IL32: variants seen among roughly 807,000 people sequenced by gnomAD.
IL32 encodes interleukin-32.
Under a neutral mutation model 16.6 loss-of-function variants are expected in IL32, and 30 were observed. That is an observed-to-expected ratio of 1.81 (90% CI 1.35 to 2.45). The LOEUF is 2.45. Ranked by LOEUF, IL32 falls within the 30% of genes most tolerant of loss-of-function variation. The pLI, the probability that IL32 is intolerant of heterozygous loss-of-function variation, is 0.00. For synonymous variants in IL32, 70 were observed against 86.1 expected (o/e 0.81, Z 1.03); for missense variants, 234 against 229.8 (o/e 1.02, Z -0.12).
chr16:3,066,800 C>T (rs182176273), intron 2 of IL32, among the ~76,000 whole-genome samples: 59 of 152,168 alleles, frequency 3.9e-4, no homozygotes, highest in Non-Finnish European at 6.5e-4. Flanking sequence ...CAACTCTCAC[C>T]TGGGACCATA....
intron 6 of IL32, chr16:3,068,680 G>T (rs1000618208): frequency 1.8e-5 from 8 of 452,476 alleles, no homozygotes; most frequent in Non-Finnish European, 2.9e-5. Flanking sequence ...TGGAGGGCTG[G>T]GAGTGACAGC....
chr16:3,066,142 C>T lies in IL32; in HGVS notation c.15+316C>T, dbSNP rs545580673. 5.6e-4 allele frequency among the ~76,000 whole-genome samples: 85 copies of T among 152,240 alleles called. No individual in the cohort carries two copies. The East Asian group carries it at 5.8e-3, about 10-fold the overall frequency. On this transcript the variant is annotated intron_variant, in intron 2 of 6. Transcript: ENST00000525643. ...CTCGGAGAATGCTTCTCTCAGAGGC[C>T]GGCTCAGCTGGGTGGGCCCAAGAGC...
chr16:3,068,308 T>A (rs1956662059), intron 6 of IL32, 69 bp downstream of exon 6: 5 of 1,393,992 alleles, frequency 3.6e-6, no homozygotes, highest in Non-Finnish European at 5.0e-6. Flanking sequence ...CTTTCTTTCT[T>A]TCTTTTTGTT....
chr16:3,065,597 C>T (rs146730989), upstream of IL32: 3,586 of 661,666 alleles, frequency 5.4e-3, 18 homozygotes, highest in Middle Eastern at 0.01. Flanking sequence ...CGCCCACTAC[C>T]CCCCACTTTC....
chr16:3,068,518 T>C (rs1489967053), intron 6 of IL32: 1 of 471,648 alleles, frequency 2.1e-6, no homozygotes, highest in South Asian at 2.1e-5. Context: ...TCACCATGTT[T>C]GCCAGGCTGG....
chr16:3,067,052 T>C (rs1211623049), intron 2 of IL32, among the ~76,000 whole-genome samples: 3 of 88,968 alleles, frequency 3.4e-5, no homozygotes, highest in Non-Finnish European at 7.5e-5. Flanking sequence ...GCCCTGCTCT[T>C]GTGAGGAGGG....
At chr16:3,068,707 C>G (rs1370732142) in intron 6 of IL32, 3 of 494,066 alleles carry the variant, frequency 6.1e-6, no homozygotes, top group Non-Finnish European at 1.1e-5. Flanking sequence ...GGGACCTGCC[C>G]ATGGCCTCAC....
intron 4 of IL32, 34 bp from the exon 5 acceptor site, chr16:3,067,950 T>C (rs1956591683): frequency 1.2e-6 from 2 of 1,613,702 alleles, no homozygotes; most frequent in South Asian, 1.1e-5. Flanking sequence ...CAGAGGAGGC[T>C]TGGGCCTGGA....
At chr16:3,067,149 G>A (rs573192809) in intron 2 of IL32, among the ~76,000 whole-genome samples, 26 of 152,126 alleles carry the variant, frequency 1.7e-4, no homozygotes, top group Non-Finnish European at 2.4e-4. Flanking sequence ...GCCCAGCTGA[G>A]CCGGCTCCTG....
At chr16:3,067,660 A>G in intron 4 of IL32, 47 bp downstream of exon 4, 1 of 1,383,336 alleles carries the variant, frequency 7.2e-7, no homozygotes. Context: ...CCCCGCCCCC[A>G]GGCACTCCAC....
rs757164443 is a variant in IL32 at position 3,068,178 on chromosome 16, A to G, written c.142-2A>G. Reference sequence around the variant, plus strand: ...GAACCCCCTGTGCCCTCCTCTCCCCAGGACGACTTCAAAGAGGGCTACCTG... The same window carrying G: ...GAACCCCCTGTGCCCTCCTCTCCCCGGGACGACTTCAAAGAGGGCTACCTG... On this transcript the variant is annotated splice_acceptor_variant, in intron 5 of 6. Transcript: ENST00000525643. LOFTEE classifies it high-confidence loss of function. The G allele has an allele frequency of 5.6e-6, 9 of 1,604,232 alleles. No homozygotes were observed. The South Asian group carries it at 1.0e-4, about 18-fold the overall frequency.
Position 3,068,236 on chromosome 16 carries a change from C to T in IL32, c.198C>T (p.His66=), listed in dbSNP as rs1342291689. ...ETVAAYYEEQ[H]PELTPLLEKE... is the part of the protein sequence containing the mutation. ...TGGCGGCTTATTATGAGGAGCAGCA[C>T]CCAGTGAGTATGACACACCCATCTG... The change falls in exon 6 of 7, where the codon CAC becomes CAT. Residue 66 remains histidine, a synonymous_variant. Transcript: ENST00000525643. 8 of 1,593,830 alleles carry T rather than the reference C, an allele frequency of 5.0e-6. No homozygotes were observed. Among genetic ancestry groups the T allele is most frequent in the Non-Finnish European group, 6.8e-6 (8 of 1,169,842 alleles).
intron 2 of IL32, 104 bp from the exon 3 acceptor site, chr16:3,067,273 G>GTGTGTGTCTC (rs1956462821): frequency 4.4e-5 from 6 of 134,886 alleles, no homozygotes; most frequent in Admixed American, 4.5e-4. Context: ...ATGTGTCTCT[G>GTGTGTGTCTC]TGTGTGTGTG....
At chr16:3,065,500 T>A (rs1956218753), upstream of IL32, 1 of 514,740 alleles carries the variant, frequency 1.9e-6, no homozygotes, top group South Asian at 2.1e-5. Flanking sequence ...CTCGGGTAAG[T>A]CTCCATCTCT....
At chr16:3,067,289 G>GTGTGTC in intron 2 of IL32, 88 bp from the exon 3 acceptor site, 2 of 559,190 alleles carry the variant, frequency 3.6e-6, no homozygotes, top group Non-Finnish European at 6.2e-6. Context: ...GTGTGTGTGT[G>GTGTGTC]TGTGTGTGTG....
chr16:3,068,679 G>A (rs1956712084), intron 6 of IL32: 3 of 451,834 alleles, frequency 6.6e-6, no homozygotes, highest in South Asian at 6.5e-5. Flanking sequence ...GTGGAGGGCT[G>A]GGAGTGACAG....
chr16:3,069,414 C>T lies in IL32; in HGVS notation c.*59C>T. The T allele has an allele frequency of 6.5e-7, 1 of 1,530,854 alleles. No individual in the cohort carries two copies. The highest frequency in any genetic ancestry group is 1.3e-5 in the South Asian group (1 of 78,222). 94.8% of individuals were successfully genotyped at this position (1,530,854 alleles called of 1,614,324 possible). ...CGCGCACCCACCCTGACCCCTCCCT[C>T]AGCTGTCCTGTGCCCCGCCCTCTCC... is the stretch of plus-strand genomic sequence containing the variant. On this transcript the variant is annotated 3_prime_UTR_variant, in exon 7 of 7. Coordinates refer to ENST00000525643, the MANE Select transcript of IL32 (RefSeq NM_001376923.1).
intron 2 of IL32, 125 bp downstream of exon 2, chr16:3,065,951 G>A (rs967466770): frequency 5.2e-6 from 6 of 1,150,076 alleles, no homozygotes; most frequent in Admixed American, 5.1e-5. Flanking sequence ...CCAGCGGCAG[G>A]AGGATAGTGA....
At chr16:3,068,266 C>T in intron 6 of IL32, 27 bp downstream of exon 6, 2 of 1,554,130 alleles carry the variant, frequency 1.3e-6, no homozygotes, top group Non-Finnish European at 1.8e-6. Flanking sequence ...CATCTGGGCA[C>T]CTTGCCTTCC....
Sources: gnomAD v4.1 joint callset for allele counts (sites outside exome capture counted in the v4.1 genomes callset) on GRCh38, gnomAD v4.1.1 for gene constraint, MANE v1.5 for transcripts, NCBI Gene and HGNC (gene_info 2026-07-23, HGNC 2026-07-21) for gene names.